Variants in SNTG2 observed in about 807,000 individuals in gnomAD.
SNTG2 encodes gamma-2-syntrophin.
A neutral mutation model predicts 70.9 loss-of-function variants in SNTG2; 74 were observed. The ratio of observed to expected loss-of-function variants is 1.04; its 90% CI spans 0.86 to 1.27. The LOEUF is 1.27. Among genes scored for constraint, SNTG2 ranks in the 50% most tolerant of loss-of-function variants. SNTG2 has a pLI of 0.00. For synonymous variants in SNTG2, 278 were observed against 273.8 expected (o/e 1.02, Z -0.15); for missense variants, 717 against 690.7 (o/e 1.04, Z -0.43).
At chr2:1,281,410 TGTGTGTGTGTGTGTG>T (rs1679530892) in intron 14 of SNTG2, among the ~76,000 whole-genome samples, 1 of 1,852 alleles carries the variant, frequency 5.4e-4, no homozygotes. Flanking sequence ...TGTGGTGTGT[TGTGTGTGTGTGTGTG>T]GTGTGGTGTG....
At chr2:980,626 C>A (rs1661066147) in intron 1 of SNTG2, among the ~76,000 whole-genome samples, 2 of 152,046 alleles carry the variant, frequency 1.3e-5, no homozygotes, top group Non-Finnish European at 2.9e-5. Flanking sequence ...ATTTTAGCTT[C>A]ATACAAGCCA....
At chr2:1,172,973 C>T (rs1671225324) in intron 7 of SNTG2, 119 bp from the exon 8 acceptor site, 1 of 842,422 alleles carries the variant, frequency 1.2e-6, no homozygotes, top group East Asian at 2.4e-5. Context: ...CATAACTGGA[C>T]ACCAGGCATT....
chr2:1,334,650 A>G (rs1312109648), intron 16 of SNTG2, among the ~76,000 whole-genome samples: 3 of 152,202 alleles, frequency 2.0e-5, no homozygotes, highest in African/African-American at 4.8e-5. Flanking sequence ...AGCAACTTGG[A>G]TGGAGCTGGA....
rs780434648 is a variant in SNTG2 at position 1,173,186 on chromosome 2, A to G, written c.591+3A>G. 2.2e-5 allele frequency: 35 copies of G among 1,612,558 alleles called. No homozygotes were observed. Among genetic ancestry groups the G allele is most frequent in the Non-Finnish European group, 2.9e-5 (34 of 1,179,008 alleles). ...TGAACGGAAACTCCAGTACCACAGT[A>G]AGCATATAGATTTTTGTTAAATTTT... On this transcript the variant is annotated splice_donor_region_variant and intron_variant, in intron 8 of 16. Transcript: ENST00000308624.
intron 1 of SNTG2, among the ~76,000 whole-genome samples, chr2:1,050,557 T>C (rs1661998695): frequency 6.6e-6 from 1 of 152,212 alleles, no homozygotes; most frequent in Non-Finnish European, 1.5e-5. Context: ...TTGATTGAAT[T>C]GCTCTAAGTT....
At chr2:1,249,938 C>A (rs1677656337) in intron 12 of SNTG2, among the ~76,000 whole-genome samples, 1 of 152,112 alleles carries the variant, frequency 6.6e-6, no homozygotes. Flanking sequence ...TCCTGGGGGT[C>A]TGAAACCAGG....
intron 1 of SNTG2, among the ~76,000 whole-genome samples, chr2:959,966 T>G (rs372365123): frequency 2.0e-5 from 3 of 152,112 alleles, no homozygotes; most frequent in African/African-American, 7.2e-5. Context: ...CTGGTGTATA[T>G]TCTGTAAGTT....
At chr2:1,202,171 C>T (rs1673314797) in intron 8 of SNTG2, among the ~76,000 whole-genome samples, 1 of 151,912 alleles carries the variant, frequency 6.6e-6, no homozygotes, top group Non-Finnish European at 1.5e-5. Flanking sequence ...ATAAAATATC[C>T]AATATAAACT....
At chr2:965,552 C>CTGGTCCTCTTCTGTGGTCCTCTTCTG (rs774062961) in intron 1 of SNTG2, among the ~76,000 whole-genome samples, 2 of 146,836 alleles carry the variant, frequency 1.4e-5, no homozygotes, top group African/African-American at 5.4e-5. Context: ...CCTTGACCCC[C>CTGGTCCTCTTCTGTGGTCCTCTTCTG]TGGTCCTCTT....
intron 16 of SNTG2, among the ~76,000 whole-genome samples, chr2:1,324,135 A>G (rs1423396557): frequency 6.6e-6 from 1 of 152,100 alleles, no homozygotes; most frequent in Non-Finnish European, 1.5e-5. Flanking sequence ...TAACAGTCAC[A>G]TGGCTGAGGG....
intron 12 of SNTG2, among the ~76,000 whole-genome samples, chr2:1,255,877 T>TATATAAATATATATAA (rs1420836257): frequency 9.4e-4 from 74 of 78,638 alleles, no homozygotes; most frequent in Non-Finnish European, 1.4e-3. Flanking sequence ...TATATAAATA[T>TATATAAATATATATAA]ATATATAAAT....
At chr2:1,153,406 A>T (rs1558462766) in intron 6 of SNTG2, among the ~76,000 whole-genome samples, 2 of 152,228 alleles carry the variant, frequency 1.3e-5, no homozygotes, top group Non-Finnish European at 1.5e-5. Context: ...GAAGGAAAAG[A>T]TCCACATTTT....
intron 6 of SNTG2, among the ~76,000 whole-genome samples, chr2:1,138,890 C>T (rs763118253): frequency 2.6e-5 from 4 of 152,218 alleles, no homozygotes; most frequent in Non-Finnish European, 5.9e-5. Context: ...AGTAAATTTC[C>T]GTGAAACCAA....
chr2:964,354 G>A (rs1383289733), intron 1 of SNTG2, among the ~76,000 whole-genome samples: 3 of 152,122 alleles, frequency 2.0e-5, no homozygotes, highest in African/African-American at 4.8e-5. Context: ...GCCTGCCTCC[G>A]CCCCTTCGTG....
At chr2:1,229,842 G>T (rs957571953) in intron 9 of SNTG2, among the ~76,000 whole-genome samples, 1 of 152,252 alleles carries the variant, frequency 6.6e-6, no homozygotes, top group Admixed American at 6.5e-5. Flanking sequence ...GCTGGCCCGG[G>T]TGCTAAGTCC....
At chr2:1,061,198 G>C (rs1418863726) in intron 1 of SNTG2, among the ~76,000 whole-genome samples, 1 of 152,184 alleles carries the variant, frequency 6.6e-6, no homozygotes, top group Non-Finnish European at 1.5e-5. Context: ...TGGAAAGAAT[G>C]ACAAAAGGTG....
intron 14 of SNTG2, among the ~76,000 whole-genome samples, chr2:1,281,726 G>A (rs558493483): frequency 6.6e-6 from 1 of 152,254 alleles, no homozygotes; most frequent in Admixed American, 6.5e-5. Context: ...TCTGCATTTA[G>A]TAAAAAGCAA....
intron 8 of SNTG2, among the ~76,000 whole-genome samples, chr2:1,176,736 G>C (rs868143332): frequency 6.6e-6 from 1 of 151,792 alleles, no homozygotes; most frequent in South Asian, 2.1e-4. Context: ...AGCAGATGAA[G>C]AAAGGCTCAT....
At position 950,887 on chromosome 2, in the gene SNTG2, G is replaced by C. The variant is rs550329115; in HGVS notation, c.-110G>C. Reference sequence around the variant, plus strand: ...GGTGGAGCCCGAGCCGGAGCCGGCAGAGGGGCGCGGGCGCGGACGCGGCGC... The same window carrying C: ...GGTGGAGCCCGAGCCGGAGCCGGCACAGGGGCGCGGGCGCGGACGCGGCGC... On this transcript the variant is annotated 5_prime_UTR_variant, in exon 1 of 17. Transcript: ENST00000308624. 3.6e-4 allele frequency: 143 copies of C among 392,934 alleles called. No homozygotes were observed. The highest frequency in any genetic ancestry group is 5.2e-4 in the Non-Finnish European group (132 of 254,602). The allele number at this position is 392,934 out of a possible 1,614,324, so 24.3% of individuals were successfully genotyped here.
Sources: allele counts gnomAD v4.1 joint callset (sites outside exome capture counted in the v4.1 genomes callset), GRCh38; gene constraint gnomAD v4.1.1; transcripts MANE v1.5; gene names NCBI Gene and HGNC (gene_info 2026-07-23, HGNC 2026-07-21).